Variants in EXOSC7 observed in about 807,000 individuals in gnomAD.
EXOSC7 encodes exosome component 7.
EXOSC7 carries 25 observed loss-of-function variants against 34.3 expected under a neutral mutation model. The observed-to-expected ratio is 0.73, with a 90% CI of 0.53 to 1.02. The LOEUF is 1.02. Among genes scored for constraint, EXOSC7 ranks in the 50% least tolerant of loss-of-function variants. EXOSC7 has a pLI of 0.00. For missense variants in EXOSC7, 370 were observed against 368.5 expected, an observed-to-expected ratio of 1.00 and a Z score of -0.03; for synonymous variants, 130 against 143.0, an observed-to-expected ratio of 0.91 and a Z score of 0.65.
chr3:44,994,264 A>G (rs7646971), intron 3 of EXOSC7, among the ~76,000 whole-genome samples: 55,352 of 109,082 alleles, frequency 0.51, 13,263 homozygotes, highest in African/African-American at 0.7. Context: ...AAAAAAAAAG[A>G]TAAGGTCTCC....
chr3:45,002,696 A>G (rs920491577), intron 5 of EXOSC7, among the ~76,000 whole-genome samples: 5 of 152,184 alleles, frequency 3.3e-5, no homozygotes, highest in African/African-American at 1.2e-4. Flanking sequence ...CCTGTTTTTT[A>G]GAGCTTTTCT....
chr3:45,006,404 G>GTTTTTTTTT (rs545281987), intron 6 of EXOSC7, among the ~76,000 whole-genome samples: 33 of 61,718 alleles, frequency 5.3e-4, no homozygotes, highest in Non-Finnish European at 7.9e-4. Flanking sequence ...TTGTTTATTT[G>GTTTTTTTTT]TTTTTTTTTT....
chr3:45,011,924 T>G (rs891926521), downstream of EXOSC7, among the ~76,000 whole-genome samples: 3 of 152,246 alleles, frequency 2.0e-5, no homozygotes, highest in Non-Finnish European at 4.4e-5. Flanking sequence ...CATCCTTTCT[T>G]ATCACTCTTG....
At chr3:44,977,447 C>A (rs528068256) in intron 1 of EXOSC7, 3 of 152,306 alleles carry the variant, frequency 2.0e-5, no homozygotes, top group African/African-American at 7.2e-5. Flanking sequence ...ATTTAAAAAT[C>A]GTGACCTGCC....
intron 3 of EXOSC7, among the ~76,000 whole-genome samples, chr3:44,994,548 A>G (rs1382890558): frequency 6.6e-6 from 1 of 152,110 alleles, no homozygotes; most frequent in Non-Finnish European, 1.5e-5. Flanking sequence ...TTCCAGGTCT[A>G]CATTTCTGTC....
rs778611728 is a variant in EXOSC7, at chr3:45,011,300, C to T, written c.837C>T (p.Ser279=). The change falls in exon 8 of 8, where the codon AGC becomes AGT. Residue 279 remains serine (S), a synonymous_variant. Transcript: ENST00000265564. ...AGAGTGTTGTGCACAAGGAAGAAAG[C>T]CTGGGGCCCAAGAGACAGAAAGTTG... ...SLQSVVHKEE[S]LGPKRQKVGF... is the part of the protein sequence containing the mutation. The T allele has an allele frequency of 6.2e-7, 1 of 1,613,160 alleles. No homozygotes were observed. Among genetic ancestry groups the T allele is most frequent in the Non-Finnish European group, 8.5e-7 (1 of 1,179,592 alleles).
At chr3:44,978,580 C>A (rs574688775) in intron 1 of EXOSC7, among the ~76,000 whole-genome samples, 1 of 152,098 alleles carries the variant, frequency 6.6e-6, no homozygotes, top group Non-Finnish European at 1.5e-5. Context: ...AAGGAAAAAA[C>A]GGACACGATC....
chr3:44,989,278 A>T, intron 2 of EXOSC7, 37 bp downstream of exon 2: 1 of 1,446,256 alleles, frequency 6.9e-7, no homozygotes, highest in Non-Finnish European at 9.7e-7. Context: ...CCAGGTGGAG[A>T]AATGAGTAGG....
At chr3:44,995,783 A>G (rs749980561) in intron 3 of EXOSC7, among the ~76,000 whole-genome samples, 17 of 152,196 alleles carry the variant, frequency 1.1e-4, no homozygotes, top group Non-Finnish European at 2.5e-4. Flanking sequence ...GCAAAATTTT[A>G]TGTAACAACA....
chr3:44,980,604 C>T (rs11707321), intron 1 of EXOSC7, among the ~76,000 whole-genome samples: 13,575 of 152,170 alleles, frequency 0.089, 867 homozygotes, highest in Non-Finnish European at 0.13. Context: ...GTCATTTCTT[C>T]CATTTCCTCA....
At chr3:45,001,326 C>A (rs1175349545) in intron 4 of EXOSC7, among the ~76,000 whole-genome samples, 2 of 151,792 alleles carry the variant, frequency 1.3e-5, no homozygotes, top group Admixed American at 6.6e-5. Context: ...ACGTGTAATC[C>A]CAGCTATTCG....
chr3:45,001,554 G>A lies in EXOSC7; in HGVS notation c.437G>A (p.Gly146Glu), dbSNP rs771081516. The change falls in exon 5 of 8, where the codon GGA (glycine) becomes GAA (glutamate). Residue 146 changes from glycine (G) to glutamate (E), a missense_variant. Coordinates refer to ENST00000265564, the MANE Select transcript of EXOSC7 (RefSeq NM_015004.4). ...YVDVLLLECG[G>E]NLFDAISIAV... ...CTCCCTTAGCTTCTGGAATGTGGTG[G>A]AAATTTGTTTGATGCCATTTCCATT... 4 of 1,613,504 alleles carry A rather than the reference G, an allele frequency of 2.5e-6. No individual in the cohort carries two copies. Among genetic ancestry groups the A allele is most frequent in the Admixed American group, 3.3e-5 (2 of 59,996 alleles).
At position 44,987,477 on chromosome 3, in the gene EXOSC7, CG is replaced by C. The variant is rs568683602; in HGVS notation, c.58-1660del. On this transcript the variant is annotated intron_variant, in intron 1 of 7. Coordinates refer to ENST00000265564, the MANE Select transcript of EXOSC7 (RefSeq NM_015004.4). ...ATTCCAGCTACTTCAGAGGCTGAGG[CG>C]GGAGAAGCGCTTGAACGCAGGTGGC... 7.4e-4 allele frequency among the ~76,000 whole-genome samples: 113 copies of C among 152,268 alleles called. 1 individual carries two copies. The highest frequency in any genetic ancestry group is 2.5e-3 in the African/African-American group (105 of 41,542).
At chr3:44,991,357 C>T (rs2125965971) in intron 3 of EXOSC7, among the ~76,000 whole-genome samples, 1 of 152,292 alleles carries the variant, frequency 6.6e-6, no homozygotes, top group Non-Finnish European at 1.5e-5. Flanking sequence ...TTGTTCAAGC[C>T]CCCAACTTAT....
At position 45,007,420 on chromosome 3, in the gene EXOSC7, A is replaced by G. The variant is rs1559752447; in HGVS notation, c.616A>G (p.Ile206Val). 8 of 1,614,064 alleles carry G rather than the reference A, an allele frequency of 5.0e-6. No individual in the cohort carries two copies. The highest frequency in any genetic ancestry group is 5.1e-6 in the Non-Finnish European group (6 of 1,179,998). ...NVPCIVTLCK[I>V]GYRHVVDATL... The stretch of plus-strand genomic sequence containing the variant: ...TGTGCCACGCACCCTGCCTTTGCAG[A>G]TTGGCTATCGGCATGTGGTGGATGC... The change falls in exon 7 of 8, where the codon ATT becomes GTT. Residue 206 changes from isoleucine to valine, a missense_variant and splice_region_variant. Ile to Val is a conservative substitution (Grantham distance 29). Transcript: ENST00000265564.
intron 3 of EXOSC7, among the ~76,000 whole-genome samples, chr3:44,989,941 G>T (rs889585957): frequency 6.6e-6 from 1 of 152,192 alleles, no homozygotes; most frequent in African/African-American, 2.4e-5. Context: ...AAATGATTGT[G>T]TTATGGTGCT....
At chr3:44,993,753 A>AC (rs1211585362) in intron 3 of EXOSC7, among the ~76,000 whole-genome samples, 2 of 152,064 alleles carry the variant, frequency 1.3e-5, no homozygotes, top group Non-Finnish European at 2.9e-5. Context: ...AAGTGTGTAC[A>AC]CCCCCCACTG....
intron 3 of EXOSC7, among the ~76,000 whole-genome samples, chr3:44,994,630 A>C (rs967007076): frequency 1.3e-5 from 2 of 152,094 alleles, no homozygotes; most frequent in African/African-American, 4.8e-5. Context: ...TCTCTATTCC[A>C]GCCTTTGTCT....
rs1454255791 is a variant in EXOSC7, at chr3:45,001,553, G to A, written c.436G>A (p.Gly146Arg). The change falls in exon 5 of 8, where the codon GGA (glycine) becomes AGA (arginine). Residue 146 changes from glycine (G) to arginine (R), a missense_variant. Gly to Arg is a moderately radical substitution (Grantham distance 125). Coordinates refer to ENST00000265564, the MANE Select transcript of EXOSC7 (RefSeq NM_015004.4). ...YVDVLLLECG[G>R]NLFDAISIAV... is the part of the protein sequence containing the mutation. ...TCTCCCTTAGCTTCTGGAATGTGGT[G>A]GAAATTTGTTTGATGCCATTTCCAT... 5 of 1,613,448 alleles carry A rather than the reference G, an allele frequency of 3.1e-6. No individual in the cohort carries two copies. Among genetic ancestry groups the A allele is most frequent in the Non-Finnish European group, 4.2e-6 (5 of 1,179,466 alleles).
Sources: gnomAD v4.1 joint callset for allele counts (sites outside exome capture counted in the v4.1 genomes callset) on GRCh38, gnomAD v4.1.1 for gene constraint, MANE v1.5 for transcripts, NCBI Gene and HGNC (gene_info 2026-07-23, HGNC 2026-07-21) for gene names.